The following DIS3L variants were observed in gnomAD, a reference collection of about 807,000 sequenced individuals.
The protein encoded by DIS3L is DIS3-like exonuclease 1.
DIS3L carries 100 observed loss-of-function variants against 120.3 expected under a neutral mutation model. The ratio of observed to expected loss-of-function variants is 0.83; its 90% CI spans 0.71 to 0.98. The LOEUF (loss-of-function observed/expected upper bound fraction) is 0.98. DIS3L is among the 50% of genes least tolerant of loss of function. The probability of loss-of-function intolerance (pLI) is 0.00; values close to 1 mark genes in which losing one functional copy is unlikely to be tolerated. For synonymous variants in DIS3L, 426 were observed against 470.6 expected (o/e 0.91, Z 1.23); for missense variants, 1,196 against 1,314.2 (o/e 0.91, Z 1.39).
At chr15:66,316,323 T>C (rs1566948222) in intron 7 of DIS3L, among the ~76,000 whole-genome samples, 1 of 150,430 alleles carries the variant, frequency 6.6e-6, no homozygotes, top group Non-Finnish European at 1.5e-5. Context: ...TTTTTTTTAC[T>C]CATCAGTAAA....
chr15:66,304,932 G>T (rs1386871321), intron 2 of DIS3L, among the ~76,000 whole-genome samples: 3 of 147,062 alleles, frequency 2.0e-5, no homozygotes, highest in Non-Finnish European at 4.5e-5. Flanking sequence ...TATTTTATAA[G>T]TTGCTATTTA....
chr15:66,321,306 C>G (rs1256252932), intron 9 of DIS3L, among the ~76,000 whole-genome samples: 1 of 152,170 alleles, frequency 6.6e-6, no homozygotes, highest in African/African-American at 2.4e-5. Context: ...ATTGTGTGCA[C>G]ACACTAATTT....
chr15:66,306,481 G>A (rs1208983983), intron 2 of DIS3L, among the ~76,000 whole-genome samples: 1 of 152,160 alleles, frequency 6.6e-6, no homozygotes, highest in African/African-American at 2.4e-5. Flanking sequence ...GCTTGCCTCC[G>A]TGCACTCAGG....
Position 66,293,578 on chromosome 15 carries a change from C to A in DIS3L, c.-19C>A. On this transcript the variant is annotated 5_prime_UTR_variant, in exon 1 of 17. Transcript: ENST00000319212. ...TCCGCCGCGCCCGCCACTCCGCGGCCGCCGGGAGACACGCCGCCATGCTGC... is the reference window on the plus strand; with the variant it reads ...TCCGCCGCGCCCGCCACTCCGCGGCAGCCGGGAGACACGCCGCCATGCTGC... 2 of 1,422,138 alleles carry A rather than the reference C, an allele frequency of 1.4e-6. No homozygotes were observed. Among genetic ancestry groups the A allele is most frequent in the Non-Finnish European group, 1.8e-6 (2 of 1,087,164 alleles). 88.1% of individuals were successfully genotyped at this position (1,422,138 alleles called of 1,614,324 possible).
Position 66,311,789 on chromosome 15 carries a change from G to A in DIS3L, c.624G>A (p.Gln208=). ...AAHELCDSIL[Q]SRRERENESQ... ...ACGAGCTTTGTGATTCTATCCTTCA[G>A]TCTCGACGGGAGAGAGAGAATGAGA... is the stretch of plus-strand genomic sequence containing the variant. The change falls in exon 5 of 17, where the codon CAG becomes CAA. Residue 208 remains glutamine (Q), a synonymous_variant. Coordinates refer to ENST00000319212, the MANE Select transcript of DIS3L (RefSeq NM_001143688.3). The A allele has an allele frequency of 1.9e-6, 3 of 1,614,164 alleles. No individual in the cohort carries two copies. In the South Asian group the frequency reaches 3.3e-5, roughly 18 times the overall value.
intron 7 of DIS3L, among the ~76,000 whole-genome samples, chr15:66,317,106 T>G (rs528284143): frequency 9.2e-5 from 14 of 152,228 alleles, no homozygotes; most frequent in Admixed American, 1.3e-4. Context: ...TTATTTAAAA[T>G]AGCTGCCACT....
chr15:66,294,503 G>C (rs1460540241), intron 1 of DIS3L: 1 of 986,824 alleles, frequency 1.0e-6, no homozygotes, highest in African/African-American at 1.7e-5. Context: ...GGTCTGGTGG[G>C]AAACCTCACC....
chr15:66,318,811 A>G (rs1295447416), intron 8 of DIS3L, among the ~76,000 whole-genome samples, 193 bp downstream of exon 8: 2 of 151,958 alleles, frequency 1.3e-5, no homozygotes, highest in Non-Finnish European at 2.9e-5. Context: ...TTGTTTTTCC[A>G]AGACAGAGTC....
At chr15:66,316,722 C>T (rs1566948497) in intron 7 of DIS3L, among the ~76,000 whole-genome samples, 1 of 152,018 alleles carries the variant, frequency 6.6e-6, no homozygotes, top group African/African-American at 2.4e-5. Flanking sequence ...AGCTGAGGCA[C>T]GAGAATCGCT....
chr15:66,294,465 G>C, intron 1 of DIS3L: 2 of 986,338 alleles, frequency 2.0e-6, no homozygotes, highest in South Asian at 9.4e-5. Context: ...ATTTCAGTTA[G>C]AGCTTGGCTA....
chr15:66,299,589 G>T (rs1316580816), intron 2 of DIS3L, among the ~76,000 whole-genome samples: 1 of 151,544 alleles, frequency 6.6e-6, no homozygotes, highest in African/African-American at 2.4e-5. Flanking sequence ...TAGAGAAGAG[G>T]CCTGGAAAAA....
At chr15:66,294,114 C>G in intron 1 of DIS3L, 2 of 985,740 alleles carry the variant, frequency 2.0e-6, no homozygotes, top group Non-Finnish European at 2.4e-6. Context: ...TGGGAGCCCC[C>G]GGGAGCTACA....
chr15:66,323,022 A>C, intron 10 of DIS3L, 88 bp downstream of exon 10: 698 of 1,488,030 alleles, frequency 4.7e-4, no homozygotes, highest in Non-Finnish European at 5.7e-4. Flanking sequence ...CAAAGATCTC[A>C]TGTTTGTGCA....
At chr15:66,304,121 C>T (rs2140333855) in intron 2 of DIS3L, among the ~76,000 whole-genome samples, 1 of 136,964 alleles carries the variant, frequency 7.3e-6, no homozygotes, top group Non-Finnish European at 1.6e-5. Context: ...AACAATATGG[C>T]ATAGACTCTT....
Position 66,318,808 on chromosome 15 carries a change from T to G in DIS3L, c.1164+190T>G, listed in dbSNP as rs71398256. Among the ~76,000 whole-genome samples, 3 of 152,250 alleles carry G rather than the reference T, an allele frequency of 2.0e-5. No homozygotes were observed. The South Asian group carries it at 6.2e-4, about 32-fold the overall frequency. ...TTTTTTGTTGTTGTTCTTTTGTTTT[T>G]CCAAGACAGAGTCTCACTCTGTCAC... On this transcript the variant is annotated intron_variant, in intron 8 of 16. Transcript: ENST00000319212.
intron 7 of DIS3L, among the ~76,000 whole-genome samples, chr15:66,318,038 A>T (rs2092838541): frequency 6.6e-6 from 1 of 152,054 alleles, no homozygotes; most frequent in African/African-American, 2.4e-5. Flanking sequence ...GTAGTGGTGC[A>T]TCTCGGCTCA....
chr15:66,327,064 G>A (rs971887838), intron 12 of DIS3L, among the ~76,000 whole-genome samples: 70 of 151,376 alleles, frequency 4.6e-4, no homozygotes, highest in African/African-American at 1.7e-3. Context: ...TGAGTATATG[G>A]GATTACAAGC....
Position 66,295,070 on chromosome 15 carries a change from G to A in DIS3L, c.222G>A (p.Glu74=). ...KVVQDYLEIL[E]FPELKGIIFM... ...TTCAAGATTATCTTGAGATCCTTGA[G>A]TTTCCTGAGTTGAAGGGAATTATTT... Residue 74 remains glutamate (E), a synonymous_variant, in exon 2 of 17, where the codon GAG becomes GAA. Coordinates refer to ENST00000319212, the MANE Select transcript of DIS3L (RefSeq NM_001143688.3). 6.2e-7 allele frequency: 1 copy of A among 1,614,148 alleles called. No homozygotes were observed. The highest frequency in any genetic ancestry group is 8.5e-7 in the Non-Finnish European group (1 of 1,180,022).
intron 2 of DIS3L, 163 bp from the exon 3 acceptor site, chr15:66,306,661 G>A (rs140857782): frequency 9.4e-6 from 9 of 952,758 alleles, no homozygotes; most frequent in Non-Finnish European, 1.3e-5. Flanking sequence ...ATAGCAGCCC[G>A]ATAGGACTGA....
Sources: allele counts gnomAD v4.1 joint callset (sites outside exome capture counted in the v4.1 genomes callset), GRCh38; gene constraint gnomAD v4.1.1; transcripts MANE v1.5; gene names NCBI Gene and HGNC (gene_info 2026-07-23, HGNC 2026-07-21).